The following USH1C variants were observed in gnomAD, a reference collection of about 807,000 sequenced individuals.
USH1C encodes harmonin.
In USH1C, 90 loss-of-function variants were observed where a neutral mutation model predicts 119.3. That is an observed-to-expected ratio of 0.75 (90% confidence interval 0.64 to 0.90). The LOEUF (loss-of-function observed/expected upper bound fraction) is 0.90. Ranked by LOEUF, USH1C falls within the 40% of genes least tolerant of loss-of-function variation. The pLI is 0.00. For synonymous variants in USH1C, 465 were observed against 443.3 expected (o/e 1.05, Z -0.62); for missense variants, 1,165 against 1,167.7 (o/e 1.00, Z 0.03).
At chr11:17,525,167 C>T (rs986058487) in intron 8 of USH1C, among the ~76,000 whole-genome samples, 2 of 152,222 alleles carry the variant, frequency 1.3e-5, no homozygotes, top group Admixed American at 6.5e-5. Context: ...ATCCTGGATA[C>T]AGCTTTAGAA....
chr11:17,514,094 G>T (rs1309244077), intron 15 of USH1C, among the ~76,000 whole-genome samples: 2 of 152,206 alleles, frequency 1.3e-5, no homozygotes, highest in Non-Finnish European at 1.5e-5. Context: ...TGATGAAAGG[G>T]CTTAGTCAGA....
At chr11:17,507,205 G>T (rs1011191406) in intron 18 of USH1C, among the ~76,000 whole-genome samples, 2 of 152,214 alleles carry the variant, frequency 1.3e-5, no homozygotes, top group Non-Finnish European at 2.9e-5. Context: ...GGGAGGAGGA[G>T]GGTGGGTGGT....
intron 1 of USH1C, among the ~76,000 whole-genome samples, chr11:17,534,278 T>C (rs1851136399): frequency 6.6e-6 from 1 of 152,216 alleles, no homozygotes; most frequent in Non-Finnish European, 1.5e-5. Flanking sequence ...CAGAGCAGCG[T>C]TACCTCTTTC....
chr11:17,513,607 A>G (rs1044344599), intron 15 of USH1C, among the ~76,000 whole-genome samples: 3 of 152,128 alleles, frequency 2.0e-5, no homozygotes, highest in African/African-American at 7.2e-5. Context: ...CCTCTCGAGA[A>G]AATGGTTCTC....
chr11:17,498,337 G>T, intron 23 of USH1C, 66 bp from the exon 24 acceptor site: 1 of 1,433,130 alleles, frequency 7.0e-7, no homozygotes, highest in Non-Finnish European at 9.9e-7. Context: ...CCAGGGCTTG[G>T]CAAAGGGGGG....
intron 26 of USH1C, chr11:17,494,840 GC>G (rs1719155687): frequency 3.6e-6 from 1 of 274,568 alleles, no homozygotes; most frequent in Non-Finnish European, 7.1e-6. Flanking sequence ...ACAGCCACCT[GC>G]CAGCTCTGTC....
intron 9 of USH1C, among the ~76,000 whole-genome samples, chr11:17,524,002 CCTG>C: frequency 6.6e-6 from 1 of 152,222 alleles, no homozygotes; most frequent in Non-Finnish European, 1.5e-5. Flanking sequence ...GTTAAGGGTT[CCTG>C]CTTTGGGATT....
chr11:17,535,243 T>C (rs927232526), intron 1 of USH1C, among the ~76,000 whole-genome samples: 1 of 152,170 alleles, frequency 6.6e-6, no homozygotes, highest in Admixed American at 6.5e-5. Context: ...CAATCTCCTC[T>C]CCTACCAGTC....
Position 17,509,837 on chromosome 11 carries a change from A to G in USH1C, c.1532T>C (p.Met511Thr). The change falls in exon 18 of 27, where the codon ATG (methionine) becomes ACG (threonine). Residue 511 changes from methionine to threonine, a missense_variant and splice_region_variant. By Grantham distance (81) the Met-to-Thr change is moderately conservative (BLOSUM62 -1). Coordinates refer to ENST00000005226, the MANE Select transcript of USH1C (RefSeq NM_153676.4). ...ISSADNEISE[M>T]TTGPPPPPPS... ...CGGGGGAGGCGGGGGCCCTGTGGTC[A>G]TCTGGGGGTGTTGCAAGGAAGTTCT... The G allele has an allele frequency of 6.3e-7, 1 of 1,592,504 alleles. No individual in the cohort carries two copies. The highest frequency in any genetic ancestry group is 2.2e-5 in the East Asian group (1 of 44,730).
At position 17,508,198 on chromosome 11, in the gene USH1C, C is replaced by G. The variant is rs141564992; in HGVS notation, c.2013+1158G>C. Reference sequence around the variant, plus strand: ...CTAGAAACCAGCTCCTGGCTGGGCTCTGGGGAAAGATGTCCCGAGAACAGG... The same window carrying G: ...CTAGAAACCAGCTCCTGGCTGGGCTGTGGGGAAAGATGTCCCGAGAACAGG... On this transcript the variant is annotated intron_variant, in intron 18 of 26. Transcript: ENST00000005226. Among the ~76,000 whole-genome samples, 336 of 152,340 alleles carry G rather than the reference C, an allele frequency of 2.2e-3. 2 individuals carry two copies. The highest frequency in any genetic ancestry group is 7.4e-3 in the African/African-American group (308 of 41,558).
intron 8 of USH1C, 125 bp downstream of exon 8, chr11:17,526,222 C>T (rs1036643764): frequency 2.6e-6 from 2 of 784,128 alleles, no homozygotes; most frequent in South Asian, 2.9e-5. Context: ...GTATCATCAC[C>T]CATGGACAGT....
intron 16 of USH1C, 48 bp from the exon 17 acceptor site, chr11:17,510,569 G>T: frequency 1.5e-6 from 2 of 1,356,148 alleles, no homozygotes; most frequent in Non-Finnish European, 2.1e-6. Context: ...GGGCACATTT[G>T]AATAACATGT....
At chr11:17,523,099 C>T in intron 11 of USH1C, 112 bp downstream of exon 11, 3 of 1,585,262 alleles carry the variant, frequency 1.9e-6, no homozygotes, top group Non-Finnish European at 2.6e-6. Flanking sequence ...TCTGCTCTGT[C>T]AGAGCTTCAG....
chr11:17,530,155 C>T (rs1850894070), intron 4 of USH1C, among the ~76,000 whole-genome samples: 1 of 152,226 alleles, frequency 6.6e-6, no homozygotes, highest in Non-Finnish European at 1.5e-5. Flanking sequence ...CCCTTGAAAG[C>T]CCCAAGCTTG....
chr11:17,500,472 G>A (rs1849392891), intron 23 of USH1C, among the ~76,000 whole-genome samples: 1 of 152,224 alleles, frequency 6.6e-6, no homozygotes, highest in African/African-American at 2.4e-5. Context: ...GAAACGCTCA[G>A]ACACAGGGCT....
Position 17,501,113 on chromosome 11 carries a change from T to A in USH1C, c.2318A>T (p.Asp773Val), listed in dbSNP as rs1849425474. 1 of 1,613,380 alleles carries A rather than the reference T, an allele frequency of 6.2e-7. No individual in the cohort carries two copies. Among genetic ancestry groups the A allele is most frequent in the Non-Finnish European group, 8.5e-7 (1 of 1,179,878 alleles). The change falls in exon 23 of 27, where the codon GAC becomes GTC. Residue 773 changes from aspartate to valine, a missense_variant. Asp to Val is a radical substitution (Grantham distance 152). Transcript: ENST00000005226. ...SLDLALEGGV[D>V]SPIGKVVVSA... ...AACGACCACCTTCCCAATGGGGGAG[T>A]CCACACCGCCTTCCAGGGCCAGGTC...
intron 14 of USH1C, among the ~76,000 whole-genome samples, chr11:17,517,212 C>T (rs547378778): frequency 2.6e-4 from 39 of 152,304 alleles, no homozygotes; most frequent in African/African-American, 8.7e-4. Context: ...CCAGCCTGGG[C>T]ATTGAGTCCT....
In USH1C at chr11:17,533,368, C is replaced by CCG. The variant is rs200451256; in HGVS notation, c.37-47_37-46insCG. 880 of 1,380,356 alleles carry CCG rather than the reference C, an allele frequency of 6.4e-4. 2 individuals carry two copies. The highest frequency in any genetic ancestry group is 1.1e-3 in the Middle Eastern group (6 of 5,532). The allele number at this position is 1,380,356 out of a possible 1,614,324, so 85.5% of individuals were successfully genotyped here. ...ATCACAGCTCCAGGCTCAGCACCCG[C>CCG]CCCCATAGCAGACCTCAGGGAGGAG... On this transcript the variant is annotated intron_variant, in intron 1 of 26. Transcript: ENST00000005226.
chr11:17,506,512 C>T (rs1254470787), intron 18 of USH1C, among the ~76,000 whole-genome samples: 2 of 151,922 alleles, frequency 1.3e-5, no homozygotes, highest in Admixed American at 6.6e-5. Flanking sequence ...CCCAAACCCT[C>T]CCCAGTGTCC....
Sources: gnomAD v4.1 joint callset for allele counts (sites outside exome capture counted in the v4.1 genomes callset) on GRCh38, gnomAD v4.1.1 for gene constraint, MANE v1.5 for transcripts, NCBI Gene and HGNC (gene_info 2026-07-23, HGNC 2026-07-21) for gene names.